The following IQUB variants were observed in gnomAD, a reference collection of about 807,000 sequenced individuals.
IQUB encodes the protein IQ motif and ubiquitin domain containing.
In IQUB, 86 loss-of-function variants were observed where a neutral mutation model predicts 86.4. The ratio of observed to expected loss-of-function variants is 1.00; its 90% CI spans 0.84 to 1.19. The LOEUF (loss-of-function observed/expected upper bound fraction) is 1.19, where lower values mean the gene tolerates loss of function less well. Ranked by LOEUF, IQUB falls within the 50% of genes most tolerant of loss-of-function variation. The pLI is 0.00. For missense variants in IQUB, 946 were observed against 916.9 expected (o/e 1.03, Z -0.41); for synonymous variants, 289 against 304.5 (o/e 0.95, Z 0.53).
intron 7 of IQUB, among the ~76,000 whole-genome samples, chr7:123,481,009 T>A (rs1387601468): frequency 6.6e-6 from 1 of 152,072 alleles, no homozygotes; most frequent in Non-Finnish European, 1.5e-5. Flanking sequence ...CTCTTTTGTA[T>A]CCCACATTTC....
chr7:123,461,025 T>G (rs1793953703), intron 11 of IQUB, among the ~76,000 whole-genome samples: 1 of 151,838 alleles, frequency 6.6e-6, no homozygotes, highest in Non-Finnish European at 1.5e-5. Context: ...TTGGTGTTAT[T>G]TACCATTATG....
At chr7:123,528,145 A>T (rs1466607602) in intron 1 of IQUB, among the ~76,000 whole-genome samples, 2 of 152,222 alleles carry the variant, frequency 1.3e-5, no homozygotes, top group Non-Finnish European at 2.9e-5. Context: ...GCGCTTCCCA[A>T]GTGAGGCAAT....
chr7:123,467,263 T>C (rs1166022311), intron 9 of IQUB, among the ~76,000 whole-genome samples: 1 of 152,056 alleles, frequency 6.6e-6, no homozygotes, highest in Non-Finnish European at 1.5e-5. Context: ...GTAGACAACA[T>C]ATTCATTGTA....
Position 123,469,231 on chromosome 7 carries a change from G to C in IQUB, c.1564C>G (p.Leu522Val), listed in dbSNP as rs764441640. The C allele has an allele frequency of 4.4e-6, 7 of 1,591,554 alleles. No individual in the cohort carries two copies. Among genetic ancestry groups the C allele is most frequent in the Non-Finnish European group, 6.0e-6 (7 of 1,170,370 alleles). Residue 522 changes from leucine (L) to valine (V), a missense_variant, in exon 9 of 13, where the codon CTT becomes GTT. Physicochemically the swap from Leu to Val is conservative, Grantham distance 32 (BLOSUM62 1). Coordinates refer to ENST00000324698, the MANE Select transcript of IQUB (RefSeq NM_178827.5). The part of the protein sequence containing the change: ...QDERLDVLLT[L>V]KHTVKEHECK... ...TAACATACCTTTACAGTGTGTTTAA[G>C]AGTTAACAGCACATCCAGCCTCTCA...
At chr7:123,504,217 A>G (rs1396885807) in intron 3 of IQUB, among the ~76,000 whole-genome samples, 1 of 152,162 alleles carries the variant, frequency 6.6e-6, no homozygotes, top group Non-Finnish European at 1.5e-5. Context: ...TGGGAGGCCA[A>G]AGTGGGCAGA....
chr7:123,519,344 A>T (rs1796795922), intron 1 of IQUB, among the ~76,000 whole-genome samples: 1 of 152,230 alleles, frequency 6.6e-6, no homozygotes, highest in Non-Finnish European at 1.5e-5. Flanking sequence ...CATATTGAAG[A>T]GATATCTGCA....
At position 123,479,928 on chromosome 7, in the gene IQUB, G is replaced by C. The variant is rs1315066788; in HGVS notation, c.1277C>G (p.Thr426Ser). 1 of 1,612,670 alleles carries C rather than the reference G, an allele frequency of 6.2e-7. No homozygotes were observed. The change falls in exon 8 of 13, where the codon ACT becomes AGT. Residue 426 changes from threonine to serine, a missense_variant. Physicochemically the swap from Thr to Ser is moderately conservative, Grantham distance 58. Transcript: ENST00000324698. ...EELTRINQSF[T>S]GAERKAALCE... is the part of the protein sequence containing the mutation. ...CAGAGCAGCTTTCCTTTCAGCTCCAGTAAAAGATTGGTTAATACGTGTAAG... is the reference window on the plus strand; with the variant it reads ...CAGAGCAGCTTTCCTTTCAGCTCCACTAAAAGATTGGTTAATACGTGTAAG...
intron 12 of IQUB, among the ~76,000 whole-genome samples, chr7:123,455,222 C>A (rs375214850): frequency 6.6e-6 from 1 of 152,000 alleles, no homozygotes; most frequent in African/African-American, 2.4e-5. Flanking sequence ...TTTATCATTT[C>A]TTTGTGCTGG....
chr7:123,512,368 T>C (rs778785839), intron 1 of IQUB, 24 bp from the exon 2 acceptor site: 3 of 1,403,178 alleles, frequency 2.1e-6, no homozygotes, highest in East Asian at 2.3e-5. Flanking sequence ...AATAAACACA[T>C]TTACTACATA....
chr7:123,503,197 C>A lies in IQUB; in HGVS notation c.694+5G>T, dbSNP rs370599746. 1 of 1,608,684 alleles carries A rather than the reference C, an allele frequency of 6.2e-7. No individual in the cohort carries two copies. The highest frequency in any genetic ancestry group is 8.5e-7 in the Non-Finnish European group (1 of 1,178,096). On this transcript the variant is annotated splice_donor_5th_base_variant and intron_variant, in intron 4 of 12. Coordinates refer to ENST00000324698, the MANE Select transcript of IQUB (RefSeq NM_178827.5). ...ACTTTATCTAAAAGACATCAAATAA[C>A]GAACCAGTTTGGACAGTGACAGTTA...
intron 1 of IQUB, among the ~76,000 whole-genome samples, chr7:123,527,324 C>T (rs1171330102): frequency 6.6e-6 from 1 of 152,224 alleles, no homozygotes; most frequent in Non-Finnish European, 1.5e-5. Context: ...TCGTCAAAGT[C>T]ATTCTCCATC....
At chr7:123,507,146 A>C (rs189985353) in intron 3 of IQUB, among the ~76,000 whole-genome samples, 8 of 152,196 alleles carry the variant, frequency 5.3e-5, no homozygotes, top group Non-Finnish European at 1.0e-4. Flanking sequence ...ACACCACTAC[A>C]TTCTCCAGCT....
intron 6 of IQUB, among the ~76,000 whole-genome samples, chr7:123,497,344 C>T (rs1407630810): frequency 6.6e-6 from 1 of 152,092 alleles, no homozygotes; most frequent in Non-Finnish European, 1.5e-5. Flanking sequence ...TATTGTCATA[C>T]ATATTAATTA....
intron 6 of IQUB, among the ~76,000 whole-genome samples, chr7:123,497,161 G>A (rs1584607407): frequency 6.6e-6 from 1 of 152,076 alleles, no homozygotes; most frequent in Non-Finnish European, 1.5e-5. Context: ...ATAGACTCTG[G>A]AGTAAAACTT....
intron 1 of IQUB, among the ~76,000 whole-genome samples, chr7:123,533,163 G>C (rs1218273832): frequency 4.6e-5 from 7 of 152,218 alleles, no homozygotes; most frequent in Non-Finnish European, 2.9e-5. Context: ...ACCTCGTCTT[G>C]GCTCCGAGGC....
At chr7:123,532,600 G>A (rs1191514661) in intron 1 of IQUB, 1 of 152,060 alleles carries the variant, frequency 6.6e-6, no homozygotes, top group African/African-American at 2.4e-5. Context: ...GAGAAGGTGT[G>A]GGAGGATGAT....
chr7:123,523,182 A>G lies in IQUB; in HGVS notation c.-4-10838T>C, dbSNP rs144364823. Reference sequence around the variant, plus strand: ...TAAACATACATGTGCATGTATCTTTATAGCAGCATGATTTATAGTCCTTTG... The same window carrying G: ...TAAACATACATGTGCATGTATCTTTGTAGCAGCATGATTTATAGTCCTTTG... On this transcript the variant is annotated intron_variant, in intron 1 of 12. Transcript: ENST00000324698. Among the ~76,000 whole-genome samples the G allele has an allele frequency of 6.9e-3, 1,044 of 151,992 alleles. 13 individuals are homozygous for G. The highest frequency in any genetic ancestry group is 0.024 in the African/African-American group (996 of 41,424).
intron 3 of IQUB, among the ~76,000 whole-genome samples, chr7:123,506,166 C>T (rs986417741): frequency 2.0e-5 from 3 of 152,196 alleles, no homozygotes; most frequent in African/African-American, 7.2e-5. Flanking sequence ...TCTGAGACTA[C>T]TTCAGCCTTG....
chr7:123,524,410 G>C (rs2117344479), intron 1 of IQUB, among the ~76,000 whole-genome samples: 1 of 150,878 alleles, frequency 6.6e-6, no homozygotes, highest in East Asian at 1.9e-4. Context: ...TCCTTGAAGA[G>C]GTCCTTCATA....
Sources: gnomAD v4.1 joint callset for allele counts (sites outside exome capture counted in the v4.1 genomes callset) on GRCh38, gnomAD v4.1.1 for gene constraint, MANE v1.5 for transcripts, NCBI Gene and HGNC (gene_info 2026-07-23, HGNC 2026-07-21) for gene names.